IL18R1: variants seen among roughly 807,000 people sequenced by gnomAD.
IL18R1 encodes the protein interleukin-18 receptor 1.
A neutral mutation model predicts 48.5 loss-of-function variants in IL18R1; 40 were observed. That is an observed-to-expected ratio of 0.82 (90% CI 0.64 to 1.07). IL18R1 has a LOEUF of 1.07. Among genes scored for constraint, IL18R1 ranks in the 50% least tolerant of loss-of-function variants. The probability of loss-of-function intolerance (pLI) is 0.00; values close to 1 mark genes in which losing one functional copy is unlikely to be tolerated. For missense variants in IL18R1, 596 were observed against 633.7 expected (o/e 0.94, Z 0.64); for synonymous variants, 232 against 225.9 (o/e 1.03, Z -0.24).
intron 8 of IL18R1, among the ~76,000 whole-genome samples, chr2:102,387,270 G>C (rs1055819863): frequency 1.3e-5 from 2 of 152,194 alleles, no homozygotes; most frequent in Non-Finnish European, 2.9e-5. Context: ...CAGATGCTGA[G>C]AGTGAGGCTC....
At chr2:102,360,868 C>G (rs1678536439) in intron 1 of IL18R1, among the ~76,000 whole-genome samples, 1 of 152,122 alleles carries the variant, frequency 6.6e-6, no homozygotes, top group African/African-American at 2.4e-5. Context: ...TTACATTTAT[C>G]AGAATATCTC....
chr2:102,368,973 C>A (rs1449475381), intron 3 of IL18R1, among the ~76,000 whole-genome samples: 1 of 152,094 alleles, frequency 6.6e-6, no homozygotes, highest in African/African-American at 2.4e-5. Flanking sequence ...TAGTTTTGCA[C>A]CAAATCAGGT....
chr2:102,358,618 C>T (rs1678395107), intron 1 of IL18R1, among the ~76,000 whole-genome samples: 1 of 152,148 alleles, frequency 6.6e-6, no homozygotes. Flanking sequence ...CCTACGTCGG[C>T]GGCTCTCTTC....
chr2:102,367,717 T>G, intron 2 of IL18R1, 108 bp from the exon 3 acceptor site: 1 of 935,546 alleles, frequency 1.1e-6, no homozygotes, highest in Non-Finnish European at 1.6e-6. Flanking sequence ...TTCTCAGGAC[T>G]TTCTTGCTAA....
intron 10 of IL18R1, among the ~76,000 whole-genome samples, chr2:102,395,558 C>T (rs573296355): frequency 6.6e-6 from 1 of 151,994 alleles, no homozygotes; most frequent in Non-Finnish European, 1.5e-5. Flanking sequence ...AAAAAATATG[C>T]CAGATTATCA....
chr2:102,376,758 A>G (rs1222439979), intron 5 of IL18R1, among the ~76,000 whole-genome samples: 2 of 152,206 alleles, frequency 1.3e-5, no homozygotes, highest in Non-Finnish European at 2.9e-5. Flanking sequence ...AAGGTATTTA[A>G]TTAAACCTCA....
At chr2:102,363,670 C>T (rs1421517219) in intron 2 of IL18R1, among the ~76,000 whole-genome samples, 2 of 150,306 alleles carry the variant, frequency 1.3e-5, no homozygotes, top group Admixed American at 6.6e-5. Flanking sequence ...CAGAAACAGC[C>T]ATGCAGCCAG....
intron 2 of IL18R1, among the ~76,000 whole-genome samples, chr2:102,364,649 C>T (rs566329975): frequency 3.6e-4 from 55 of 152,172 alleles, no homozygotes; most frequent in African/African-American, 1.2e-3. Context: ...GTGGTAGATT[C>T]GACATCCATG....
At chr2:102,374,228 G>A (rs191957014) in intron 4 of IL18R1, among the ~76,000 whole-genome samples, 92 of 152,244 alleles carry the variant, frequency 6.0e-4, no homozygotes, top group Middle Eastern at 3.4e-3. Context: ...TGACTCTGTC[G>A]TGGAAACTTT....
At chr2:102,365,263 A>C (rs1439040329) in intron 2 of IL18R1, among the ~76,000 whole-genome samples, 1 of 152,222 alleles carries the variant, frequency 6.6e-6, no homozygotes, top group Non-Finnish European at 1.5e-5. Context: ...GGCATTGAGT[A>C]AATACACCCC....
intron 9 of IL18R1, among the ~76,000 whole-genome samples, chr2:102,393,806 T>G (rs1247734866): frequency 6.6e-6 from 1 of 152,222 alleles, no homozygotes; most frequent in African/African-American, 2.4e-5. Flanking sequence ...GACTCAAAAT[T>G]TCCTCCTTTC....
At chr2:102,389,678 C>CTCTCTCT (rs1256682615) in intron 8 of IL18R1, among the ~76,000 whole-genome samples, 6 of 152,154 alleles carry the variant, frequency 3.9e-5, no homozygotes, top group African/African-American at 9.7e-5. Flanking sequence ...ATCCAGTGCT[C>CTCTCTCT]TCTCTCTTCT....
Position 102,382,049 on chromosome 2 carries a change from A to T in IL18R1, c.688+367A>T, listed in dbSNP as rs11465636. Among the ~76,000 whole-genome samples the T allele has an allele frequency of 1.8e-3, 274 of 152,112 alleles. 1 individual carries two copies. Among genetic ancestry groups the T allele is most frequent in the Non-Finnish European group, 2.8e-3 (193 of 67,988 alleles). ...GCACTTTGGGAGGCCGAGGCAGGTG[A>T]ATCACTTGAGGTCAGGAGTTTGAGA... On this transcript the variant is annotated intron_variant, in intron 6 of 10. Coordinates refer to ENST00000233957, the MANE Select transcript of IL18R1 (RefSeq NM_003855.5).
chr2:102,384,378 T>C (rs563729270), intron 6 of IL18R1, among the ~76,000 whole-genome samples: 1 of 152,342 alleles, frequency 6.6e-6, no homozygotes, highest in South Asian at 2.1e-4. Flanking sequence ...ATGAGACTCT[T>C]TCTGTTAATT....
rs756085779 is a variant in IL18R1 at position 102,386,877 on chromosome 2, T to C, written c.826T>C (p.Trp276Arg). 5.0e-6 allele frequency: 8 copies of C among 1,614,152 alleles called. No homozygotes were observed. The East Asian group carries it at 1.3e-4, about 27-fold the overall frequency. ...CTCTTACAGGACTCCAGAAGGCAAA[T>C]GGCATGCTTCAAAAGTATTGAGAAT... ...EMRIMTPEGK[W>R]HASKVLRIEN... The change falls in exon 8 of 11, where the codon TGG becomes CGG. Residue 276 changes from tryptophan to arginine, a missense_variant. By Grantham distance (101) the Trp-to-Arg change is moderately radical (BLOSUM62 -3). Coordinates refer to ENST00000233957, the MANE Select transcript of IL18R1 (RefSeq NM_003855.5).
At position 102,389,534 on chromosome 2, in the gene IL18R1, G is replaced by A. The variant is rs571923065; in HGVS notation, c.950-522G>A. Among the ~76,000 whole-genome samples, 4 of 152,214 alleles carry A rather than the reference G, an allele frequency of 2.6e-5. No individual in the cohort carries two copies. The South Asian group carries it at 6.2e-4, about 24-fold the overall frequency. On this transcript the variant is annotated intron_variant, in intron 8 of 10. Coordinates refer to ENST00000233957, the MANE Select transcript of IL18R1 (RefSeq NM_003855.5). ...AATATTTCATTTAATCTTCCCCAAAGGAGCAGCCTTGTAAGTGAAGCAGTT... is the reference window on the plus strand; with the variant it reads ...AATATTTCATTTAATCTTCCCCAAAAGAGCAGCCTTGTAAGTGAAGCAGTT...
chr2:102,384,785 G>T, intron 6 of IL18R1, 93 bp from the exon 7 acceptor site: 1 of 1,409,920 alleles, frequency 7.1e-7, no homozygotes, highest in Non-Finnish European at 9.7e-7. Context: ...ACCACGTTTT[G>T]CTTTAGGTTA....
intron 5 of IL18R1, among the ~76,000 whole-genome samples, chr2:102,380,543 GC>G (rs1320570206): frequency 1.3e-5 from 2 of 152,134 alleles, no homozygotes; most frequent in Admixed American, 1.3e-4. Flanking sequence ...TTCCAGGCTT[GC>G]CCAGAGACTC....
rs11465649 is a variant in IL18R1 at position 102,387,054 on chromosome 2, G to A, written c.949+54G>A. 9.9e-4 allele frequency: 1,550 copies of A among 1,565,770 alleles called. 27 individuals are homozygous for A. The African/African-American group carries it at 0.019, about 20-fold the overall frequency. On this transcript the variant is annotated intron_variant, in intron 8 of 10. Coordinates refer to ENST00000233957, the MANE Select transcript of IL18R1 (RefSeq NM_003855.5). ...GAAACTTAGCTCATTGCTACTGAGA[G>A]ACATTTCAAAGATGGCCACTTTCTC...
Sources: gnomAD v4.1 joint callset for allele counts (sites outside exome capture counted in the v4.1 genomes callset) on GRCh38, gnomAD v4.1.1 for gene constraint, MANE v1.5 for transcripts, NCBI Gene and HGNC (gene_info 2026-07-23, HGNC 2026-07-21) for gene names.